Variants in CNBD1 observed in about 807,000 individuals in gnomAD.
The protein encoded by CNBD1 is cyclic nucleotide binding domain containing 1, also known as cyclic nucleotide-binding domain-containing protein 1.
A neutral mutation model predicts 54.4 loss-of-function variants in CNBD1; 71 were observed. That is an observed-to-expected ratio of 1.30 (90% confidence interval 1.08 to 1.59). CNBD1 has a LOEUF of 1.59. Among genes scored for constraint, CNBD1 ranks in the 40% most tolerant of loss-of-function variants. The pLI is 0.00. For missense variants in CNBD1, 659 were observed against 518.0 expected (o/e 1.27, Z -2.64); for synonymous variants, 182 against 170.7 (o/e 1.07, Z -0.51).
intron 4 of CNBD1, among the ~76,000 whole-genome samples, chr8:87,034,685 C>A: frequency 6.6e-6 from 1 of 152,184 alleles, no homozygotes; most frequent in Middle Eastern, 3.4e-3. Flanking sequence ...ATATTATTTG[C>A]ATGCATGACA....
intron 2 of CNBD1, among the ~76,000 whole-genome samples, chr8:87,426,336 C>G (rs924062928): frequency 1.3e-5 from 2 of 152,148 alleles, no homozygotes; most frequent in South Asian, 2.1e-4. Flanking sequence ...GCCATCTTGG[C>G]TCTTCCCTGT....
chr8:87,242,874 A>G (rs969645530), intron 6 of CNBD1, among the ~76,000 whole-genome samples: 2 of 152,232 alleles, frequency 1.3e-5, no homozygotes, highest in Non-Finnish European at 2.9e-5. Context: ...ATAAATCCCA[A>G]CTCAAAAATA....
At chr8:87,180,102 T>C (rs1042646220) in intron 4 of CNBD1, among the ~76,000 whole-genome samples, 14 of 152,110 alleles carry the variant, frequency 9.2e-5, no homozygotes, top group African/African-American at 2.2e-4. Flanking sequence ...CTGAATTGCT[T>C]GTCTGCAAAT....
At chr8:87,243,977 G>T (rs900674373) in intron 6 of CNBD1, among the ~76,000 whole-genome samples, 3 of 151,932 alleles carry the variant, frequency 2.0e-5, no homozygotes, top group Non-Finnish European at 4.4e-5. Flanking sequence ...GGGAATATGA[G>T]CCCTGAAAAT....
At chr8:87,198,129 C>A (rs1246963573) in intron 4 of CNBD1, among the ~76,000 whole-genome samples, 1 of 152,176 alleles carries the variant, frequency 6.6e-6, no homozygotes, top group Admixed American at 6.5e-5. Flanking sequence ...AGTAGCAGAG[C>A]CTAGGTAAGA....
intron 8 of CNBD1, among the ~76,000 whole-genome samples, chr8:87,286,982 G>T (rs1406036587): frequency 2.6e-5 from 4 of 152,052 alleles, no homozygotes; most frequent in Non-Finnish European, 5.9e-5. Flanking sequence ...ATAAATACTA[G>T]AGGGTATAGC....
chr8:87,422,488 A>G lies in CNBD1; in HGVS notation c.214-6058A>G, dbSNP rs1345207114. On this transcript the variant is annotated intron_variant, in intron 2 of 7. Transcript: ENST00000521593. ...AAGGGATTCAGTTTCAGCTTTCTAC[A>G]TATGGCTAGCCAGTTTTCCCAGCAC... Among the ~76,000 whole-genome samples, 2 of 151,828 alleles carry G rather than the reference A, an allele frequency of 1.3e-5. 1 individual carries two copies. Among genetic ancestry groups the G allele is most frequent in the East Asian group, 3.9e-4 (2 of 5,180 alleles).
chr8:87,365,778 A>C (rs1701054552), intron 10 of CNBD1, among the ~76,000 whole-genome samples: 1 of 152,070 alleles, frequency 6.6e-6, no homozygotes, highest in Non-Finnish European at 1.5e-5. Flanking sequence ...CTCTATTAAA[A>C]TATAATCAGA....
intron 8 of CNBD1, among the ~76,000 whole-genome samples, chr8:87,306,950 C>T (rs1809164430): frequency 6.6e-6 from 1 of 151,526 alleles, no homozygotes. Context: ...TATGGGGGAA[C>T]AGAAAAAAAT....
chr8:87,307,737 C>CAAAAA (rs5893017), intron 8 of CNBD1, among the ~76,000 whole-genome samples: 21 of 135,860 alleles, frequency 1.5e-4, no homozygotes, highest in Admixed American at 3.6e-4. Flanking sequence ...AACTCCGTCT[C>CAAAAA]AAAAAAAAAA....
At chr8:87,398,086 A>C (rs542782955) in intron 2 of CNBD1, among the ~76,000 whole-genome samples, 1 of 151,686 alleles carries the variant, frequency 6.6e-6, no homozygotes, top group South Asian at 2.1e-4. Flanking sequence ...ATACGTCATC[A>C]ATTTTCTCTA....
chr8:87,066,058 G>T (rs1378240829), intron 4 of CNBD1, among the ~76,000 whole-genome samples: 3 of 151,926 alleles, frequency 2.0e-5, no homozygotes, highest in Non-Finnish European at 2.9e-5. Flanking sequence ...CATTCTTTTA[G>T]GTTTAGTGAC....
chr8:87,105,073 A>C (rs1456657446), intron 4 of CNBD1, among the ~76,000 whole-genome samples: 1 of 152,162 alleles, frequency 6.6e-6, no homozygotes, highest in African/African-American at 2.4e-5. Context: ...TTAATTATAC[A>C]ACAGAATGTC....
chr8:87,085,156 T>A (rs770644542), intron 4 of CNBD1, among the ~76,000 whole-genome samples: 2 of 152,212 alleles, frequency 1.3e-5, no homozygotes, highest in Non-Finnish European at 2.9e-5. Context: ...TATTTGATGG[T>A]TTGCAATTCA....
At chr8:86,942,164 A>T (rs1563830922) in intron 4 of CNBD1, among the ~76,000 whole-genome samples, 1 of 152,230 alleles carries the variant, frequency 6.6e-6, no homozygotes, top group Non-Finnish European at 1.5e-5. Flanking sequence ...TGAGGTAGCT[A>T]TGACAAACTA....
chr8:87,327,529 T>A (rs184992523), intron 8 of CNBD1, among the ~76,000 whole-genome samples: 1 of 152,190 alleles, frequency 6.6e-6, no homozygotes, highest in Non-Finnish European at 1.5e-5. Context: ...TAAGCCGGTC[T>A]GAAAAGCGCA....
chr8:87,347,038 A>C (rs2130924370), intron 8 of CNBD1, among the ~76,000 whole-genome samples: 1 of 152,252 alleles, frequency 6.6e-6, no homozygotes, highest in Non-Finnish European at 1.5e-5. Context: ...TCACCCACTG[A>C]GAGTATTGCT....
At chr8:87,065,400 A>T (rs16896784) in intron 4 of CNBD1, among the ~76,000 whole-genome samples, 4 of 151,968 alleles carry the variant, frequency 2.6e-5, no homozygotes. Context: ...GAGAGGATTT[A>T]CATTGCTTCT....
chr8:86,872,371 ATGTATT>A (rs1253545282), intron 1 of CNBD1, among the ~76,000 whole-genome samples: 2 of 152,092 alleles, frequency 1.3e-5, no homozygotes, highest in African/African-American at 4.8e-5. Context: ...TACTATTTTA[ATGTATT>A]TGTATTTATT....
Sources: allele counts gnomAD v4.1 joint callset (sites outside exome capture counted in the v4.1 genomes callset), GRCh38; gene constraint gnomAD v4.1.1; transcripts MANE v1.5; gene names NCBI Gene and HGNC (gene_info 2026-07-23, HGNC 2026-07-21).